Variants in UTRN observed in about 807,000 individuals in gnomAD.
The protein encoded by UTRN is utrophin.
Under a neutral mutation model 463.9 loss-of-function variants are expected in UTRN, and 283 were observed. The ratio of observed to expected loss-of-function variants is 0.61; its 90% CI spans 0.55 to 0.67. UTRN has a LOEUF of 0.67. UTRN is among the 30% of genes least tolerant of loss of function. The pLI, the probability that UTRN is intolerant of heterozygous loss-of-function variation, is 0.00. For missense variants in UTRN, 3,922 were observed against 4,084.3 expected (o/e 0.96, Z 1.08); for synonymous variants, 1,442 against 1,431.5 (o/e 1.01, Z -0.17).
intron 51 of UTRN, among the ~76,000 whole-genome samples, chr6:144,672,311 T>C (rs1400312186): frequency 6.6e-6 from 1 of 151,964 alleles, no homozygotes; most frequent in African/African-American, 2.4e-5. Flanking sequence ...TGGTAGCTTT[T>C]TAATTACCAT....
intron 45 of UTRN, among the ~76,000 whole-genome samples, chr6:144,541,883 G>T (rs1798005150): frequency 6.6e-6 from 1 of 152,212 alleles, no homozygotes; most frequent in Non-Finnish European, 1.5e-5. Flanking sequence ...GAGGGAAAGT[G>T]CAGTGTAGAG....
intron 51 of UTRN, among the ~76,000 whole-genome samples, chr6:144,676,523 G>GT (rs199908485): frequency 0.15 from 21,868 of 150,094 alleles, 1,994 homozygotes; most frequent in East Asian, 0.51. Context: ...CACGTTAAAA[G>GT]TTTGTTTTTT....
At chr6:144,376,312 G>C (rs1421757041) in intron 2 of UTRN, among the ~76,000 whole-genome samples, 1 of 152,096 alleles carries the variant, frequency 6.6e-6, no homozygotes, top group Non-Finnish European at 1.5e-5. Context: ...ACAATTAGCT[G>C]GGTGTGGTGG....
intron 2 of UTRN, among the ~76,000 whole-genome samples, chr6:144,355,025 G>A (rs1044049024): frequency 3.3e-5 from 5 of 151,986 alleles, no homozygotes; most frequent in African/African-American, 9.7e-5. Context: ...CTCCTGGCAC[G>A]TTTTTTAGTT....
intron 74 of UTRN, among the ~76,000 whole-genome samples, chr6:144,850,069 T>A (rs1453421351): frequency 1.3e-5 from 2 of 152,204 alleles, no homozygotes; most frequent in Admixed American, 1.3e-4. Context: ...CCATCAGTGT[T>A]TGCTGAATTT....
In UTRN at chr6:144,851,141, G is replaced by C. The variant is rs1481773676; in HGVS notation, c.*144G>C. 1.0e-6 allele frequency: 1 copy of C among 984,986 alleles called. No individual in the cohort carries two copies. The highest frequency in any genetic ancestry group is 1.6e-5 in the African/African-American group (1 of 61,894). 61.0% of individuals were successfully genotyped at this position (984,986 alleles called of 1,614,324 possible). A position where few individuals can be genotyped will look rare whatever the true frequency, so the allele number is the denominator to read the frequency against. On this transcript the variant is annotated 3_prime_UTR_variant, in exon 75 of 75. Transcript: ENST00000367545. ...GCTGACTGTGTGTTCTACTGAAAGA[G>C]TAAAACACTGACTATCCAAAGAGAA... is the stretch of plus-strand genomic sequence containing the variant.
At chr6:144,810,524 C>A (rs1778515472) in intron 65 of UTRN, among the ~76,000 whole-genome samples, 2 of 151,954 alleles carry the variant, frequency 1.3e-5, no homozygotes, top group African/African-American at 2.4e-5. Flanking sequence ...AGGCTGTATG[C>A]ATATAGTGAG....
chr6:144,736,348 T>C (rs1439894371), intron 54 of UTRN, among the ~76,000 whole-genome samples: 4 of 152,204 alleles, frequency 2.6e-5, no homozygotes, highest in South Asian at 2.1e-4. Context: ...GTATGTGATG[T>C]GTACCATGCT....
At chr6:144,832,788 A>G (rs1248083057) in intron 69 of UTRN, among the ~76,000 whole-genome samples, 3 of 152,042 alleles carry the variant, frequency 2.0e-5, no homozygotes, top group Non-Finnish European at 4.4e-5. Context: ...TAGGTATCAT[A>G]GAACTAATTT....
chr6:144,315,701 C>G (rs1177218836), intron 2 of UTRN, among the ~76,000 whole-genome samples: 1 of 152,200 alleles, frequency 6.6e-6, no homozygotes, highest in African/African-American at 2.4e-5. Context: ...TCCTCCGTGC[C>G]GCTGTGCTGG....
intron 13 of UTRN, among the ~76,000 whole-genome samples, chr6:144,440,964 A>G (rs1787097636): frequency 6.6e-6 from 1 of 152,102 alleles, no homozygotes; most frequent in South Asian, 2.1e-4. Flanking sequence ...CGTGAGACTT[A>G]CTCACTATCA....
At chr6:144,792,300 A>G (rs929291667) in intron 62 of UTRN, among the ~76,000 whole-genome samples, 1 of 152,176 alleles carries the variant, frequency 6.6e-6, no homozygotes, top group African/African-American at 2.4e-5. Context: ...AATCCCCAGC[A>G]CTTTGGGAGG....
intron 2 of UTRN, among the ~76,000 whole-genome samples, chr6:144,310,254 G>A (rs1048890246): frequency 3.3e-5 from 5 of 152,188 alleles, no homozygotes; most frequent in African/African-American, 1.2e-4. Flanking sequence ...TATAAAAATT[G>A]GTCTGGGTGC....
At chr6:144,845,018 C>G (rs926190760) in intron 73 of UTRN, among the ~76,000 whole-genome samples, 1 of 152,156 alleles carries the variant, frequency 6.6e-6, no homozygotes, top group Non-Finnish European at 1.5e-5. Context: ...TTAACATGAC[C>G]GTTTTTTAAC....
chr6:144,386,203 T>C (rs1280665602), intron 2 of UTRN, among the ~76,000 whole-genome samples: 1 of 152,152 alleles, frequency 6.6e-6, no homozygotes, highest in African/African-American at 2.4e-5. Flanking sequence ...GGTTCATGCT[T>C]GTTATCCCAG....
At chr6:144,431,018 G>A (rs555288083) in intron 9 of UTRN, among the ~76,000 whole-genome samples, 15 of 152,136 alleles carry the variant, frequency 9.9e-5, no homozygotes, top group Non-Finnish European at 1.9e-4. Context: ...ATCAAATGAT[G>A]CTGAGGAAAA....
intron 2 of UTRN, among the ~76,000 whole-genome samples, chr6:144,345,271 T>C (rs1777468052): frequency 6.6e-6 from 1 of 152,198 alleles, no homozygotes; most frequent in Non-Finnish European, 1.5e-5. Context: ...CTTGAACAAG[T>C]GGCATAGGAG....
rs200343508 is a variant in UTRN, at chr6:144,735,481, TCAGAGGACCTGGAAAGGTCCTA to T, written c.7939+5012_7939+5033del. Among the ~76,000 whole-genome samples, 260 of 152,276 alleles carry T rather than the reference TCAGAGGACCTGGAAAGGTCCTA, an allele frequency of 1.7e-3. 4 individuals carry two copies. In the East Asian group the frequency reaches 0.028, roughly 16 times the overall value. On this transcript the variant is annotated intron_variant, in intron 54 of 74. Transcript: ENST00000367545. ...GAGATGGTTGTATGTGCTGAATGGT[TCAGAGGACCTGGAAAGGTCCTA>T]CAGAGGACCTGGAAAGTCAGGCAGA...
intron 51 of UTRN, among the ~76,000 whole-genome samples, chr6:144,578,202 A>G (rs890536457): frequency 6.6e-6 from 1 of 152,048 alleles, no homozygotes; most frequent in African/African-American, 2.4e-5. Context: ...GACTCTGTCC[A>G]CTCCCAAAGA....
Sources: allele counts gnomAD v4.1 joint callset (sites outside exome capture counted in the v4.1 genomes callset), GRCh38; gene constraint gnomAD v4.1.1; transcripts MANE v1.5; gene names NCBI Gene and HGNC (gene_info 2026-07-23, HGNC 2026-07-21).